The following LOC128462377 variants were observed in gnomAD, a reference collection of about 807,000 sequenced individuals.
At chr16:89,356,736 G>A in the LOC128462377 span, among the ~76,000 whole-genome samples, 2 of 138,680 alleles carry the variant, frequency 1.4e-5, no homozygotes, top group Admixed American at 8.0e-5. Flanking sequence ...AGCCAAGATC[G>A]CACCACTGCA....
At chr16:89,393,215 C>A in the LOC128462377 span, among the ~76,000 whole-genome samples, 1 of 152,172 alleles carries the variant, frequency 6.6e-6, no homozygotes, top group Non-Finnish European at 1.5e-5. Context: ...GCCTCATTCA[C>A]CTGTTCCCAC....
At chr16:89,395,863 C>A in the LOC128462377 span, 1 of 152,182 alleles carries the variant, frequency 6.6e-6, no homozygotes, top group Non-Finnish European at 1.5e-5. Flanking sequence ...TGCGGCAAGA[C>A]TGTTTCAACG....
chr16:89,349,113 G>C, the LOC128462377 span, among the ~76,000 whole-genome samples: 1 of 43,168 alleles, frequency 2.3e-5, no homozygotes, highest in Non-Finnish European at 4.0e-5. Context: ...GGGGGACAGA[G>C]TAAAACACTG....
chr16:89,342,035 C>CTCCTCCACGA, the LOC128462377 span, among the ~76,000 whole-genome samples: 1 of 42,368 alleles, frequency 2.4e-5, no homozygotes, highest in African/African-American at 6.8e-5. Flanking sequence ...CTCCACTGCC[C>CTCCTCCACGA]ACAGCGGCCA....
the LOC128462377 span, among the ~76,000 whole-genome samples, chr16:89,329,948 C>T: frequency 1.6e-3 from 245 of 151,418 alleles, 3 homozygotes; most frequent in Middle Eastern, 0.024. Flanking sequence ...AGAGATCACA[C>T]CACTGCACTC....
the LOC128462377 span, among the ~76,000 whole-genome samples, chr16:89,374,274 T>C: frequency 6.6e-6 from 1 of 152,164 alleles, no homozygotes; most frequent in Non-Finnish European, 1.5e-5. Flanking sequence ...AGTAATTCTC[T>C]TCACTTAAAA....
At chr16:89,408,131 C>T in the LOC128462377 span, among the ~76,000 whole-genome samples, 4 of 152,136 alleles carry the variant, frequency 2.6e-5, no homozygotes, top group Non-Finnish European at 5.9e-5. Flanking sequence ...CAAGACAGCT[C>T]GAAGGACTTG....
the LOC128462377 span, among the ~76,000 whole-genome samples, chr16:89,367,098 G>A: frequency 1.3e-5 from 2 of 152,102 alleles, no homozygotes; most frequent in African/African-American, 2.4e-5. Flanking sequence ...ATGCCACCCC[G>A]AGACTCACCG....
chr16:89,324,668 A>G, the LOC128462377 span: 1 of 370,314 alleles, frequency 2.7e-6, no homozygotes, highest in Non-Finnish European at 5.3e-6. Flanking sequence ...TCCATGCTGG[A>G]TACTTCCTGC....
the LOC128462377 span, chr16:89,343,809 G>C: frequency 6.6e-6 from 1 of 152,336 alleles, no homozygotes; most frequent in Admixed American, 6.5e-5. Flanking sequence ...AGCGGTCCCC[G>C]CGTCGCCCAT....
chr16:89,383,537 G>A, the LOC128462377 span, among the ~76,000 whole-genome samples: 6 of 152,242 alleles, frequency 3.9e-5, no homozygotes, highest in South Asian at 8.3e-4. Context: ...TCTGCAAGAA[G>A]GAAGAGCCAT....
At chr16:89,324,395 C>A in the LOC128462377 span, 2 of 569,010 alleles carry the variant, frequency 3.5e-6, no homozygotes, top group Non-Finnish European at 6.1e-6. Context: ...AAGTTCTCAG[C>A]TTCGTTAGTC....
At chr16:89,323,030 G>C in the LOC128462377 span, 1 of 309,848 alleles carries the variant, frequency 3.2e-6, no homozygotes, top group Non-Finnish European at 6.3e-6. Flanking sequence ...TTTCTGTGGA[G>C]TCGGGTTTCG....
the LOC128462377 span, among the ~76,000 whole-genome samples, chr16:89,318,609 C>T: frequency 6.6e-6 from 1 of 152,322 alleles, no homozygotes; most frequent in South Asian, 2.1e-4. Context: ...ACCTCCACCC[C>T]GTCAGCTAAA....
the LOC128462377 span, among the ~76,000 whole-genome samples, chr16:89,361,858 A>G: frequency 6.6e-6 from 1 of 152,130 alleles, no homozygotes; most frequent in Non-Finnish European, 1.5e-5. Context: ...AAAAATCCGC[A>G]CTCTAGATAA....
the LOC128462377 span, among the ~76,000 whole-genome samples, chr16:89,402,703 C>T: frequency 1.2e-5 from 1 of 83,790 alleles, no homozygotes; most frequent in Non-Finnish European, 2.4e-5. Context: ...GGTGGCTCTG[C>T]GAGGTTAGGA....
At chr16:89,319,838 G>C in the LOC128462377 span, 1 of 152,418 alleles carries the variant, frequency 6.6e-6, no homozygotes, top group Non-Finnish European at 1.5e-5. Context: ...TGAGGACAGA[G>C]GCTCCAGTTG....
At chr16:89,373,386 A>G in the LOC128462377 span, 3 of 152,322 alleles carry the variant, frequency 2.0e-5, no homozygotes, top group African/African-American at 7.2e-5. Context: ...ATTCCAAAAC[A>G]CACGCCTTCC....
At chr16:89,365,389 G>A in the LOC128462377 span, among the ~76,000 whole-genome samples, 1 of 152,312 alleles carries the variant, frequency 6.6e-6, no homozygotes, top group Admixed American at 6.5e-5. Flanking sequence ...ACAGAACACA[G>A]ACATCCTTGG....
Sources: gnomAD v4.1 joint callset for allele counts (sites outside exome capture counted in the v4.1 genomes callset) on GRCh38, gnomAD v4.1.1 for gene constraint, MANE v1.5 for transcripts.